The following SNRNP40 variants were observed in gnomAD, a reference collection of about 807,000 sequenced individuals.
SNRNP40 encodes the protein U5 small nuclear ribonucleoprotein 40 kDa protein.
Under a neutral mutation model 45.8 loss-of-function variants are expected in SNRNP40, and 21 were observed. The ratio of observed to expected loss-of-function variants is 0.46; its 90% CI spans 0.32 to 0.66. SNRNP40 has a LOEUF of 0.66. Ranked by LOEUF, SNRNP40 falls within the 30% of genes least tolerant of loss-of-function variation. The pLI is 0.03. For missense variants in SNRNP40, 344 were observed against 439.1 expected, an observed-to-expected ratio of 0.78 and a Z score of 1.94; for synonymous variants, 142 against 163.8, an observed-to-expected ratio of 0.87 and a Z score of 1.01.
At chr1:31,293,427 G>C (rs1646120824) in intron 1 of SNRNP40, 79 bp from the exon 2 acceptor site, 408 of 1,369,600 alleles carry the variant, frequency 3.0e-4, no homozygotes, top group Non-Finnish European at 3.6e-4. Flanking sequence ...GGAGTGGAGG[G>C]AAAAGACCAA....
rs1279972999 is a variant in SNRNP40, at chr1:31,260,031, T to G, written c.*41A>C. 6.9e-6 allele frequency: 10 copies of G among 1,451,270 alleles called. No homozygotes were observed. The Admixed American group carries it at 1.7e-4, about 24-fold the overall frequency. 89.9% of individuals were successfully genotyped at this position (1,451,270 alleles called of 1,614,324 possible). On this transcript the variant is annotated 3_prime_UTR_variant, in exon 10 of 10. Transcript: ENST00000263694. ...TTGGCATCACTTATGCAGTCTGAGG[T>G]CTCAAAGACAAGCGGCCTTGGAGTC...
At position 31,289,296 on chromosome 1, in the gene SNRNP40, G is replaced by A. The variant is rs1274897151; in HGVS notation, c.489C>T (p.Gly163=). 5.0e-6 allele frequency: 8 copies of A among 1,613,808 alleles called. No individual in the cohort carries two copies. In the South Asian group the frequency reaches 6.6e-5, roughly 13 times the overall value. ...CACTGCCAGTGCAGACAAGCTGAGGGCCTCTCCTGGCTGGATAACAGGAAT... is the reference window on the plus strand; with the variant it reads ...CACTGCCAGTGCAGACAAGCTGAGGACCTCTCCTGGCTGGATAACAGGAAT... ...FVNSCYPARR[G]PQLVCTGSDD... Residue 163 remains glycine (G), a synonymous_variant, in exon 4 of 10, where the codon GGC becomes GGT. Transcript: ENST00000263694.
rs1373865034 is a variant in SNRNP40 at position 31,289,369 on chromosome 1, T to C, written c.416A>G (p.Glu139Gly). 1.2e-6 allele frequency: 2 copies of C among 1,614,126 alleles called. No individual in the cohort carries two copies. Among genetic ancestry groups the C allele is most frequent in the Non-Finnish European group, 1.7e-6 (2 of 1,179,966 alleles). The change falls in exon 4 of 10, where the codon GAA becomes GGA. Residue 139 changes from glutamate (E) to glycine (G), a missense_variant. By Grantham distance (98) the Glu-to-Gly change is moderately conservative (BLOSUM62 -2). This residue lies in a region of SNRNP40 where 254 missense variants were observed against 380.2 expected (regional missense o/e 0.67). Transcript: ENST00000263694. ...TDKTVAVWDS[E>G]TGERVKRLKG... ...TAGCCTTTTAACCCTCTCACCTGTT[T>C]CACTATCCCACACAGCCACGGTTTT...
At chr1:31,294,419 A>G (rs1177893218) in intron 1 of SNRNP40, among the ~76,000 whole-genome samples, 1 of 151,924 alleles carries the variant, frequency 6.6e-6, no homozygotes, top group Non-Finnish European at 1.5e-5. Flanking sequence ...CATAATCCCC[A>G]AATCTCTTCA....
At chr1:31,294,687 C>T (rs752867302) in intron 1 of SNRNP40, among the ~76,000 whole-genome samples, 80 of 152,160 alleles carry the variant, frequency 5.3e-4, no homozygotes, top group Non-Finnish European at 9.6e-4. Flanking sequence ...CACCTGTAAT[C>T]CCAGCACTTT....
intron 9 of SNRNP40, chr1:31,260,962 C>A: frequency 8.6e-7 from 1 of 1,167,946 alleles, no homozygotes; most frequent in Non-Finnish European, 1.1e-6. Flanking sequence ...TACCAACTTC[C>A]CTTTGAGATC....
intron 8 of SNRNP40, among the ~76,000 whole-genome samples, chr1:31,264,794 T>C (rs920269448): frequency 1.4e-4 from 22 of 152,100 alleles, no homozygotes; most frequent in South Asian, 6.2e-4. Flanking sequence ...TATTAGTTAG[T>C]AGAAAGGAGA....
At chr1:31,267,784 G>A (rs566158654) in intron 8 of SNRNP40, 87 bp downstream of exon 8, 174 of 971,054 alleles carry the variant, frequency 1.8e-4, no homozygotes, top group Non-Finnish European at 2.7e-4. Flanking sequence ...TGCCCGCCTC[G>A]GCCTCCCAAA....
intron 5 of SNRNP40, among the ~76,000 whole-genome samples, chr1:31,278,185 C>T (rs1645989545): frequency 6.6e-6 from 1 of 152,124 alleles, no homozygotes; most frequent in South Asian, 2.1e-4. Context: ...CCTTTTGAGG[C>T]TAGCTTCTTT....
chr1:31,279,118 A>T (rs567783867), intron 5 of SNRNP40, among the ~76,000 whole-genome samples: 1 of 152,028 alleles, frequency 6.6e-6, no homozygotes, highest in South Asian at 2.1e-4. Context: ...CAGTGAGTGC[A>T]GAAAAATCTC....
At chr1:31,290,348 T>C (rs1275203755) in intron 3 of SNRNP40, among the ~76,000 whole-genome samples, 2 of 152,216 alleles carry the variant, frequency 1.3e-5, no homozygotes, top group Non-Finnish European at 2.9e-5. Flanking sequence ...TAATGCTTTA[T>C]TTAAAATGTA....
intron 3 of SNRNP40, among the ~76,000 whole-genome samples, chr1:31,290,303 G>A (rs892838774): frequency 6.6e-6 from 1 of 152,054 alleles, no homozygotes; most frequent in Non-Finnish European, 1.5e-5. Context: ...CCAAATAGCT[G>A]GGATTATAAG....
intron 1 of SNRNP40, among the ~76,000 whole-genome samples, chr1:31,295,977 A>G (rs188640269): frequency 3.0e-4 from 45 of 152,340 alleles, no homozygotes; most frequent in Admixed American, 6.5e-4. Flanking sequence ...TTTCTATCTT[A>G]CAAAAAATGT....
intron 5 of SNRNP40, among the ~76,000 whole-genome samples, chr1:31,278,106 AT>A (rs1392927099): frequency 6.6e-6 from 1 of 152,194 alleles, no homozygotes; most frequent in Non-Finnish European, 1.5e-5. Context: ...ACATTTGCTG[AT>A]TATTGATCTC....
rs541647892 is a variant in SNRNP40, at chr1:31,267,390, T to C, written c.920+481A>G. Among the ~76,000 whole-genome samples the C allele has an allele frequency of 1.8e-4, 28 of 152,310 alleles. 2 individuals are homozygous for C. The highest frequency in any genetic ancestry group is 1.6e-3 in the Admixed American group (25 of 15,294). ...AAAATGTCTCCAAAGTGGGTAGAAA[T>C]GATCTGTTTGTCGAACACGGTTTTG... On this transcript the variant is annotated intron_variant, in intron 8 of 9. Coordinates refer to ENST00000263694, the MANE Select transcript of SNRNP40 (RefSeq NM_004814.3).
chr1:31,273,138 A>G (rs1403991951), intron 5 of SNRNP40, among the ~76,000 whole-genome samples: 3 of 152,218 alleles, frequency 2.0e-5, no homozygotes, highest in Non-Finnish European at 2.9e-5. Context: ...TTGCTGCTTC[A>G]GTAATCAGGA....
intron 9 of SNRNP40, among the ~76,000 whole-genome samples, chr1:31,260,585 G>A (rs1478467057): frequency 6.6e-6 from 1 of 152,150 alleles, no homozygotes; most frequent in East Asian, 1.9e-4. Flanking sequence ...TTCTTGGCCG[G>A]GCGCAGTGGC....
intron 4 of SNRNP40, among the ~76,000 whole-genome samples, chr1:31,287,004 G>A (rs1030711944): frequency 1.3e-5 from 2 of 152,220 alleles, no homozygotes; most frequent in Non-Finnish European, 2.9e-5. Flanking sequence ...TTGATAAAAA[G>A]TTTGAAAACG....
intron 4 of SNRNP40, among the ~76,000 whole-genome samples, chr1:31,283,260 A>C (rs1646032911): frequency 6.6e-6 from 1 of 152,232 alleles, no homozygotes; most frequent in Non-Finnish European, 1.5e-5. Context: ...AAAAGAATTC[A>C]GTGGTCACAC....
Sources: allele counts gnomAD v4.1 joint callset (sites outside exome capture counted in the v4.1 genomes callset), GRCh38; gene constraint gnomAD v4.1.1; regional missense constraint gnomAD v4.1.1; transcripts MANE v1.5; gene names NCBI Gene and HGNC (gene_info 2026-07-23, HGNC 2026-07-21).